Variants in ESR1 observed in about 807,000 individuals in gnomAD.
ESR1 encodes the protein estrogen receptor 1.
In ESR1, 12 loss-of-function variants were observed where a neutral mutation model predicts 52.7. The ratio of observed to expected loss-of-function variants is 0.23; its 90% CI spans 0.15 to 0.37. ESR1 has a LOEUF of 0.37. Ranked by LOEUF, ESR1 falls within the 10% of genes least tolerant of loss-of-function variation. The pLI is 1.00. For missense variants in ESR1, 584 were observed against 779.7 expected (o/e 0.75, Z 2.99); for synonymous variants, 305 against 316.8 (o/e 0.96, Z 0.39).
chr6:151,711,771 C>T (rs749254578), intron 2 of ESR1, among the ~76,000 whole-genome samples: 65 of 152,200 alleles, frequency 4.3e-4, no homozygotes, highest in African/African-American at 1.3e-3. Context: ...GGAGAGATTA[C>T]GAAATTTTTC....
chr6:151,944,090 G>A (rs1466580713), intron 3 of ESR1, 83 bp from the exon 4 acceptor site: 2 of 1,167,960 alleles, frequency 1.7e-6, no homozygotes, highest in African/African-American at 3.1e-5. Context: ...TAAAATGAAA[G>A]CTGGTTAGCT....
intron 2 of ESR1, among the ~76,000 whole-genome samples, chr6:151,762,082 C>T (rs1784698875): frequency 6.6e-6 from 1 of 152,194 alleles, no homozygotes; most frequent in South Asian, 2.1e-4. Context: ...GTAACCAGAT[C>T]TTAGTGGCTT....
At chr6:151,789,685 G>A (rs1583293959) in intron 2 of ESR1, among the ~76,000 whole-genome samples, 1 of 152,082 alleles carries the variant, frequency 6.6e-6, no homozygotes, top group Admixed American at 6.5e-5. Context: ...AGTCATAAAC[G>A]GCCACTAGTC....
At chr6:151,777,118 C>CTTTTTTT (rs745685480) in intron 2 of ESR1, among the ~76,000 whole-genome samples, 6 of 142,852 alleles carry the variant, frequency 4.2e-5, no homozygotes, top group South Asian at 2.2e-4. Flanking sequence ...CTTTTCTTTT[C>CTTTTTTT]TTTTCTTTTT....
At chr6:151,927,759 C>T (rs906577684) in intron 3 of ESR1, among the ~76,000 whole-genome samples, 20 of 152,016 alleles carry the variant, frequency 1.3e-4, no homozygotes, top group Admixed American at 1.2e-3. Flanking sequence ...ACTCTGCCAC[C>T]CAGGCTGGAG....
intron 2 of ESR1, among the ~76,000 whole-genome samples, chr6:151,791,928 T>G (rs1167291853): frequency 6.6e-6 from 1 of 152,196 alleles, no homozygotes; most frequent in Non-Finnish European, 1.5e-5. Flanking sequence ...CAATCATGTA[T>G]CATTTAATGA....
At chr6:151,842,892 C>T (rs1784521385) in intron 2 of ESR1, 105 bp downstream of exon 2, 1 of 954,308 alleles carries the variant, frequency 1.0e-6, no homozygotes, top group Non-Finnish European at 1.7e-6. Context: ...TTGTACAAAA[C>T]ATGAATCCCT....
At chr6:151,862,323 G>T (rs145535807) in intron 2 of ESR1, among the ~76,000 whole-genome samples, 42 of 152,298 alleles carry the variant, frequency 2.8e-4, no homozygotes, top group African/African-American at 9.6e-4. Flanking sequence ...GCCATTGGAA[G>T]TGAGGAGTGT....
intron 2 of ESR1, among the ~76,000 whole-genome samples, chr6:151,704,850 A>T (rs945117843): frequency 6.6e-6 from 1 of 152,048 alleles, no homozygotes; most frequent in Non-Finnish European, 1.5e-5. Flanking sequence ...CAATGATATG[A>T]CAGGACATGA....
intron 3 of ESR1, among the ~76,000 whole-genome samples, chr6:151,916,175 T>A (rs529533363): frequency 2.0e-5 from 3 of 152,288 alleles, no homozygotes; most frequent in East Asian, 3.9e-4. Context: ...CAGGAACAAA[T>A]CACAGTATAA....
At chr6:151,866,328 AGTT>A (rs58259896) in intron 2 of ESR1, among the ~76,000 whole-genome samples, 10,389 of 152,076 alleles carry the variant, frequency 0.068, 768 homozygotes, top group East Asian at 0.23. Context: ...GTAGACTAGT[AGTT>A]ATTTCTTTTT....
chr6:151,783,668 T>A (rs74478422), intron 2 of ESR1, among the ~76,000 whole-genome samples: 16,213 of 152,244 alleles, frequency 0.11, 1,059 homozygotes, highest in Non-Finnish European at 0.13. Flanking sequence ...AGCTCCCGTA[T>A]TAGTAACTAA....
intron 2 of ESR1, among the ~76,000 whole-genome samples, chr6:151,734,386 C>T (rs988563574): frequency 1.3e-5 from 2 of 152,120 alleles, no homozygotes; most frequent in Admixed American, 1.3e-4. Context: ...TTTTTGGAGC[C>T]TGTGCCACTG....
intron 5 of ESR1, among the ~76,000 whole-genome samples, chr6:152,021,960 G>A (rs1044525210): frequency 6.6e-6 from 1 of 152,160 alleles, no homozygotes; most frequent in African/African-American, 2.4e-5. Flanking sequence ...ATGTGGAACT[G>A]TAAGTCCTTT....
chr6:151,662,566 C>T (rs1013787699), intron 1 of ESR1, among the ~76,000 whole-genome samples: 3 of 152,178 alleles, frequency 2.0e-5, no homozygotes, highest in African/African-American at 7.2e-5. Context: ...CCAATTCTTT[C>T]TACCTCATTA....
At chr6:151,912,045 T>A (rs1389251566) in intron 3 of ESR1, among the ~76,000 whole-genome samples, 1 of 152,224 alleles carries the variant, frequency 6.6e-6, no homozygotes, top group Non-Finnish European at 1.5e-5. Context: ...ATTCAAGTGC[T>A]CAGTAGCTAC....
intron 2 of ESR1, among the ~76,000 whole-genome samples, chr6:151,779,899 CAAAAAAAAAAA>C (rs1192077755): frequency 2.2e-5 from 1 of 44,752 alleles, no homozygotes; most frequent in Middle Eastern, 8.6e-3. Context: ...GACTCCGTCT[CAAAAAAAAAAA>C]AAAAAAAAAA....
chr6:152,114,890 CAAAAAAAAAAAAAAA>C (rs60553265), intron 6 of ESR1, among the ~76,000 whole-genome samples: 2 of 41,190 alleles, frequency 4.9e-5, no homozygotes, highest in East Asian at 1.0e-3. Flanking sequence ...GACTCCGTCT[CAAAAAAAAAAAAAAA>C]AAAAAAAAAA....
At chr6:151,676,203 G>T (rs903373289) in intron 1 of ESR1, among the ~76,000 whole-genome samples, 7 of 152,144 alleles carry the variant, frequency 4.6e-5, no homozygotes, top group East Asian at 3.9e-4. Flanking sequence ...AGGCCAGCCT[G>T]CTTCACTAGT....
Sources: gnomAD v4.1 joint callset for allele counts (sites outside exome capture counted in the v4.1 genomes callset) on GRCh38, gnomAD v4.1.1 for gene constraint, MANE v1.5 for transcripts, NCBI Gene and HGNC (gene_info 2026-07-23, HGNC 2026-07-21) for gene names.